Variants in NAA16 observed in about 807,000 individuals in gnomAD.
NAA16 encodes the protein N-alpha-acetyltransferase 16, NatA auxiliary subunit.
Under a neutral mutation model 110.3 loss-of-function variants are expected in NAA16, and 97 were observed. That is an observed-to-expected ratio of 0.88 (90% confidence interval 0.75 to 1.04). NAA16 has a LOEUF of 1.04. Among genes scored for constraint, NAA16 ranks in the 50% least tolerant of loss-of-function variants. NAA16 has a pLI of 0.00. For synonymous variants in NAA16, 372 were observed against 330.6 expected, an observed-to-expected ratio of 1.13 and a Z score of -1.36; for missense variants, 1,017 against 1,005.1, an observed-to-expected ratio of 1.01 and a Z score of -0.16.
At chr13:41,317,046 A>G (rs2041828506) in intron 2 of NAA16, 116 bp downstream of exon 2, 1 of 683,646 alleles carries the variant, frequency 1.5e-6, no homozygotes, top group Non-Finnish European at 2.6e-6. Context: ...ATTAGAGTGC[A>G]TAAATGTTCA....
chr13:41,354,008 G>C (rs1020498090), intron 9 of NAA16, among the ~76,000 whole-genome samples: 2 of 152,194 alleles, frequency 1.3e-5, no homozygotes, highest in Non-Finnish European at 2.9e-5. Context: ...CATTGAGTAT[G>C]TGGTGTCTGT....
In NAA16 at chr13:41,365,356, G is replaced by C. The variant is rs2043188412; in HGVS notation, c.1540-2083G>C. Among the ~76,000 whole-genome samples, 3 of 152,030 alleles carry C rather than the reference G, an allele frequency of 2.0e-5. No individual in the cohort carries two copies. In the South Asian group the frequency reaches 6.2e-4, roughly 32 times the overall value. ...TTCTTGGTTTTGATACTGTATTGTA[G>C]TTATGTAGGCTGTAACCTTCGGGGG... is the stretch of plus-strand genomic sequence containing the variant. On this transcript the variant is annotated intron_variant, in intron 13 of 19. Coordinates refer to ENST00000379406, the MANE Select transcript of NAA16 (RefSeq NM_024561.5).
At chr13:41,316,783 G>T in intron 1 of NAA16, 63 bp from the exon 2 acceptor site, 1 of 1,063,222 alleles carries the variant, frequency 9.4e-7, no homozygotes, top group Non-Finnish European at 1.5e-6. Flanking sequence ...ATATGATGCT[G>T]TGAGAAGTTG....
rs2043124503 is a variant in NAA16, at chr13:41,362,135, GA to G, written c.1521del (p.Lys507AsnfsTer5). The G allele has an allele frequency of 6.2e-7, 1 of 1,603,766 alleles. No individual in the cohort carries two copies. Among genetic ancestry groups the G allele is most frequent in the Non-Finnish European group, 8.5e-7 (1 of 1,176,690 alleles). On this transcript the variant is annotated frameshift_variant, in exon 13 of 20. Transcript: ENST00000379406. LOFTEE classifies it high-confidence loss of function. ...QRLGRYGDAL[K>X]KCHEVERHFF... The stretch of plus-strand genomic sequence containing the variant: ...GTCTGGGGAGATACGGGGATGCCTT[GA>G]AAAAATGTCATGAAGTAGAAAGGGT...
intron 8 of NAA16, among the ~76,000 whole-genome samples, chr13:41,334,269 A>ACCTTC (rs1433629560): frequency 6.6e-6 from 1 of 152,178 alleles, no homozygotes; most frequent in East Asian, 1.9e-4. Context: ...ACAGAACAAT[A>ACCTTC]AGGAAATTTT....
In NAA16 at chr13:41,358,975, A is replaced by C; in HGVS notation, c.1410+13A>C. ...CAAGTTCACAAGGGTAGGAAATAGC[A>C]TGCATGAGCATGTAATTGTCTAAAT... is the stretch of plus-strand genomic sequence containing the variant. On this transcript the variant is annotated intron_variant, in intron 12 of 19. Coordinates refer to ENST00000379406, the MANE Select transcript of NAA16 (RefSeq NM_024561.5). 1 of 1,581,146 alleles carries C rather than the reference A, an allele frequency of 6.3e-7. No homozygotes were observed. The highest frequency in any genetic ancestry group is 8.6e-7 in the Non-Finnish European group (1 of 1,157,124).
chr13:41,341,791 TGTCACTTTGTATTGTA>T (rs1822884975), intron 9 of NAA16, among the ~76,000 whole-genome samples: 1 of 152,102 alleles, frequency 6.6e-6, no homozygotes, highest in African/African-American at 2.4e-5. Flanking sequence ...TGTTTTCATC[TGTCACTTTGTATTGTA>T]GTCTTTCACA....
At chr13:41,366,996 A>G (rs1468528962) in intron 13 of NAA16, among the ~76,000 whole-genome samples, 1 of 152,152 alleles carries the variant, frequency 6.6e-6, no homozygotes, top group Non-Finnish European at 1.5e-5. Flanking sequence ...GCCCTTGAAA[A>G]TGGTAGAGTT....
intron 13 of NAA16, among the ~76,000 whole-genome samples, chr13:41,364,210 G>T (rs1239626634): frequency 6.6e-6 from 1 of 152,056 alleles, no homozygotes. Flanking sequence ...CTAAATAGAA[G>T]GTTAGTGAAT....
At chr13:41,344,938 ATGG>A (rs1384969268) in intron 9 of NAA16, among the ~76,000 whole-genome samples, 2 of 152,132 alleles carry the variant, frequency 1.3e-5, no homozygotes, top group Non-Finnish European at 2.9e-5. Flanking sequence ...CTTTCTGTCT[ATGG>A]ATTTCCCAGT....
chr13:41,325,249 C>T (rs1725072074), intron 5 of NAA16, among the ~76,000 whole-genome samples: 1 of 150,220 alleles, frequency 6.7e-6, no homozygotes, highest in South Asian at 2.1e-4. Context: ...GCCACCGTGC[C>T]TGGCCAACGG....
intron 5 of NAA16, among the ~76,000 whole-genome samples, chr13:41,323,891 C>T (rs2139389210): frequency 6.6e-6 from 1 of 152,270 alleles, no homozygotes; most frequent in African/African-American, 2.4e-5. Flanking sequence ...CCTTGAGTCT[C>T]TTTTCCACTC....
At chr13:41,329,331 A>G (rs1440442086) in intron 7 of NAA16, among the ~76,000 whole-genome samples, 1 of 151,970 alleles carries the variant, frequency 6.6e-6, no homozygotes, top group East Asian at 1.9e-4. Context: ...TCTTCCTTTG[A>G]AATTTGGTAA....
In NAA16 at chr13:41,347,189, G is replaced by A. The variant is rs1461754024; in HGVS notation, c.1015-7955G>A. Among the ~76,000 whole-genome samples the A allele has an allele frequency of 9.9e-5, 14 of 141,518 alleles. No homozygotes were observed. The East Asian group carries it at 1.2e-3, about 12-fold the overall frequency. 92.8% of individuals were successfully genotyped at this position (141,518 alleles called of 152,430 possible). A position where few individuals can be genotyped will look rare whatever the true frequency, so the allele number is the denominator to read the frequency against. ...CGAGATTGAGCCACTACACTCCAGC[G>A]TGGCGACAGAGCGAGACTCCGTCTC... On this transcript the variant is annotated intron_variant, in intron 9 of 19. Coordinates refer to ENST00000379406, the MANE Select transcript of NAA16 (RefSeq NM_024561.5).
At chr13:41,348,689 G>C (rs2042748724) in intron 9 of NAA16, among the ~76,000 whole-genome samples, 1 of 151,902 alleles carries the variant, frequency 6.6e-6, no homozygotes, top group Non-Finnish European at 1.5e-5. Flanking sequence ...TCTTTTTTTG[G>C]GGGGGCGGGA....
intron 15 of NAA16, among the ~76,000 whole-genome samples, 193 bp downstream of exon 15, chr13:41,369,476 A>AT (rs1482797565): frequency 2.0e-5 from 3 of 152,202 alleles, no homozygotes; most frequent in Non-Finnish European, 4.4e-5. Flanking sequence ...TAGAATTGCA[A>AT]TTGTGGTAGG....
At chr13:41,373,869 A>G (rs2043373969) in intron 18 of NAA16, 89 bp downstream of exon 18, 2 of 1,498,962 alleles carry the variant, frequency 1.3e-6, no homozygotes, top group African/African-American at 1.4e-5. Context: ...AAGCAAATGA[A>G]CAGTACTGTG....
Position 41,331,368 on chromosome 13 carries a change from A to G in NAA16, c.906A>G (p.Pro302=). ...GAAGATTACCTTTGACTCTTGTCCC[A>G]GGTAATATTAAGATGTCTTTTATAA... ...TPRRLPLTLV[P]GERFRELMDK... Residue 302 remains proline (P), a splice_region_variant and synonymous_variant, in exon 8 of 20, where the codon CCA becomes CCG. Transcript: ENST00000379406. 3.2e-6 allele frequency: 5 copies of G among 1,572,450 alleles called. No homozygotes were observed. In the South Asian group the frequency reaches 4.6e-5, roughly 14 times the overall value.
At chr13:41,350,366 TCA>T (rs1162887456) in intron 9 of NAA16, among the ~76,000 whole-genome samples, 10 of 150,610 alleles carry the variant, frequency 6.6e-5, no homozygotes, top group Non-Finnish European at 1.2e-4. Context: ...TGATCTCGGC[TCA>T]CTGCAAGCTC....
Sources: gnomAD v4.1 joint callset for allele counts (sites outside exome capture counted in the v4.1 genomes callset) on GRCh38, gnomAD v4.1.1 for gene constraint, MANE v1.5 for transcripts, NCBI Gene and HGNC (gene_info 2026-07-23, HGNC 2026-07-21) for gene names.